Variants in FBXW11 observed in about 807,000 individuals in gnomAD.
FBXW11 encodes the protein F-box and WD repeat domain containing 11.
In FBXW11, 19 loss-of-function variants were observed where a neutral mutation model predicts 77.6. The observed-to-expected ratio is 0.24, with a 90% CI of 0.17 to 0.36. FBXW11 has a LOEUF of 0.36. Ranked by LOEUF, FBXW11 falls within the 10% of genes least tolerant of loss-of-function variation. The pLI is 1.00. For synonymous variants in FBXW11, 235 were observed against 249.4 expected (o/e 0.94, Z 0.54); for missense variants, 334 against 704.2 (o/e 0.47, Z 5.95).
intron 7 of FBXW11, among the ~76,000 whole-genome samples, chr5:171,886,634 A>G (rs1344499780): frequency 6.6e-6 from 1 of 152,016 alleles, no homozygotes; most frequent in African/African-American, 2.4e-5. Flanking sequence ...AAAAAGAAAA[A>G]CCACCAGTAT....
At chr5:171,955,998 C>T (rs946116829) in intron 2 of FBXW11, among the ~76,000 whole-genome samples, 1 of 152,106 alleles carries the variant, frequency 6.6e-6, no homozygotes, top group Non-Finnish European at 1.5e-5. Context: ...ATGATGCCTT[C>T]CATTGGCCAA....
rs1465561147 is a variant in FBXW11 at position 171,870,876 on chromosome 5, C to G, written c.1341-18G>C. 8 of 1,572,910 alleles carry G rather than the reference C, an allele frequency of 5.1e-6. No homozygotes were observed. Among genetic ancestry groups the G allele is most frequent in the Non-Finnish European group, 7.0e-6 (8 of 1,143,298 alleles). Reference sequence around the variant, plus strand: ...CCCAGAGCCTTGAATGAAAAACAGACCTCTGTGAAACAAATTCCCACACAC... The same window carrying G: ...CCCAGAGCCTTGAATGAAAAACAGAGCTCTGTGAAACAAATTCCCACACAC... On this transcript the variant is annotated intron_variant, in intron 10 of 13. Coordinates refer to ENST00000517395, the MANE Select transcript of FBXW11 (RefSeq NM_001378974.1).
At chr5:171,957,899 C>A (rs1763699947) in intron 1 of FBXW11, among the ~76,000 whole-genome samples, 2 of 152,162 alleles carry the variant, frequency 1.3e-5, no homozygotes, top group Admixed American at 6.6e-5. Flanking sequence ...GTTTCTGCTG[C>A]CAACCACTAA....
At chr5:171,956,596 C>T (rs1763625471) in intron 2 of FBXW11, among the ~76,000 whole-genome samples, 2 of 152,190 alleles carry the variant, frequency 1.3e-5, no homozygotes, top group African/African-American at 4.8e-5. Flanking sequence ...CCTGGCTCCC[C>T]AGCTCCATTT....
chr5:171,932,608 C>T (rs1359076776), intron 2 of FBXW11, among the ~76,000 whole-genome samples: 3 of 152,144 alleles, frequency 2.0e-5, no homozygotes, highest in African/African-American at 7.2e-5. Flanking sequence ...ATTCACCCTA[C>T]TCTGGTGCAG....
intron 2 of FBXW11, among the ~76,000 whole-genome samples, chr5:171,924,765 A>AC (rs1425916355): frequency 1.6e-4 from 6 of 37,856 alleles, no homozygotes; most frequent in Non-Finnish European, 2.7e-4. Flanking sequence ...AACACGTCCC[A>AC]CCCCCCCACC....
Position 171,870,851 on chromosome 5 carries a change from C to T in FBXW11, c.1348G>A (p.Asp450Asn). ...CTTAAACAGGCACCACATTCAATAT[C>T]CCAGAGCCTTGAATGAAAAACAGAC... The part of the protein sequence containing the change: ...GSSDNTIRLW[D>N]IECGACLRVL... The change falls in exon 11 of 14, where the codon GAT (aspartate) becomes AAT (asparagine). Residue 450 changes from aspartate to asparagine, a missense_variant. This residue lies in a region of FBXW11 where 50 missense variants were observed against 119.6 expected (regional missense o/e 0.42). Coordinates refer to ENST00000517395, the MANE Select transcript of FBXW11 (RefSeq NM_001378974.1). 1 of 1,611,034 alleles carries T rather than the reference C, an allele frequency of 6.2e-7. No individual in the cohort carries two copies. The highest frequency in any genetic ancestry group is 8.5e-7 in the Non-Finnish European group (1 of 1,177,288).
At chr5:171,898,876 CA>C (rs1249188562) in intron 6 of FBXW11, 127 bp downstream of exon 6, 1 of 515,522 alleles carries the variant, frequency 1.9e-6, no homozygotes, top group East Asian at 3.1e-5. Context: ...ACATTTACTC[CA>C]AAAGCTCAAC....
intron 4 of FBXW11, among the ~76,000 whole-genome samples, chr5:171,900,854 C>T (rs1760070819): frequency 6.6e-6 from 1 of 152,128 alleles, no homozygotes; most frequent in African/African-American, 2.4e-5. Flanking sequence ...TACAAGGATA[C>T]TCTCAAAGAA....
At chr5:171,892,740 CT>C (rs1196490389) in intron 6 of FBXW11, among the ~76,000 whole-genome samples, 1 of 152,200 alleles carries the variant, frequency 6.6e-6, no homozygotes, top group African/African-American at 2.4e-5. Context: ...TACAATGTCT[CT>C]ACTAAGAGTA....
At chr5:171,884,713 T>C (rs1337146109) in intron 7 of FBXW11, among the ~76,000 whole-genome samples, 1 of 152,218 alleles carries the variant, frequency 6.6e-6, no homozygotes, top group Non-Finnish European at 1.5e-5. Flanking sequence ...TCCATGAGCA[T>C]GGGATGTGTT....
At chr5:171,897,245 T>C (rs916132957) in intron 6 of FBXW11, among the ~76,000 whole-genome samples, 3 of 152,218 alleles carry the variant, frequency 2.0e-5, no homozygotes, top group Non-Finnish European at 4.4e-5. Flanking sequence ...GTAAATGCTA[T>C]TAGTGGTACA....
intron 4 of FBXW11, among the ~76,000 whole-genome samples, chr5:171,903,821 A>T (rs532395254): frequency 2.0e-4 from 29 of 146,132 alleles, no homozygotes; most frequent in South Asian, 4.2e-4. Context: ...AATTTTTTTT[A>T]AAAAAAATTT....
chr5:171,956,171 A>C (rs1003959151), intron 2 of FBXW11, among the ~76,000 whole-genome samples: 1 of 152,252 alleles, frequency 6.6e-6, no homozygotes, highest in Admixed American at 6.5e-5. Flanking sequence ...AGACAAAAAT[A>C]CACCTATTAT....
intron 2 of FBXW11, among the ~76,000 whole-genome samples, chr5:171,951,542 A>T (rs895627619): frequency 2.6e-5 from 4 of 151,182 alleles, no homozygotes; most frequent in Non-Finnish European, 4.4e-5. Flanking sequence ...ATCTCAAAAA[A>T]AGAGAGAGAG....
At chr5:171,980,826 G>A (rs1469452546) in intron 1 of FBXW11, among the ~76,000 whole-genome samples, 1 of 152,148 alleles carries the variant, frequency 6.6e-6, no homozygotes, top group African/African-American at 2.4e-5. Context: ...GATCTTTGCT[G>A]CCCTGATGAC....
intron 1 of FBXW11, among the ~76,000 whole-genome samples, chr5:171,959,801 G>C (rs1402431363): frequency 6.7e-5 from 10 of 148,210 alleles, no homozygotes; most frequent in African/African-American, 2.5e-4. Flanking sequence ...AGTAAGCCAA[G>C]ACCACGCCAC....
chr5:171,893,677 T>C (rs1357451958), intron 6 of FBXW11, among the ~76,000 whole-genome samples: 2 of 152,170 alleles, frequency 1.3e-5, no homozygotes, highest in Non-Finnish European at 2.9e-5. Context: ...CAAGTCTAAT[T>C]TGTGGCCAGT....
chr5:171,934,989 C>A (rs953120984), intron 2 of FBXW11, among the ~76,000 whole-genome samples: 1 of 152,098 alleles, frequency 6.6e-6, no homozygotes, highest in Non-Finnish European at 1.5e-5. Flanking sequence ...GACGGAGTCT[C>A]GCTCTGTAGC....
Sources: gnomAD v4.1 joint callset for allele counts (sites outside exome capture counted in the v4.1 genomes callset) on GRCh38, gnomAD v4.1.1 for gene constraint, gnomAD v4.1.1 regional missense constraint, MANE v1.5 for transcripts, NCBI Gene and HGNC (gene_info 2026-07-23, HGNC 2026-07-21) for gene names.